Variants in CLTCL1 observed in about 807,000 individuals in gnomAD.
CLTCL1 encodes clathrin heavy chain 2.
In CLTCL1, 159 loss-of-function variants were observed where a neutral mutation model predicts 190.0. The observed-to-expected ratio is 0.84, with a 90% confidence interval of 0.74 to 0.95. The LOEUF is 0.95. Ranked by LOEUF, CLTCL1 falls within the 40% of genes least tolerant of loss-of-function variation. The pLI, the probability that CLTCL1 is intolerant of heterozygous loss-of-function variation, is 0.00. For synonymous variants in CLTCL1, 752 were observed against 769.6 expected (o/e 0.98, Z 0.38); for missense variants, 1,878 against 2,033.4 (o/e 0.92, Z 1.47).
chr22:19,205,935 T>TC (rs2146356105), intron 22 of CLTCL1, among the ~76,000 whole-genome samples: 3 of 152,006 alleles, frequency 2.0e-5, no homozygotes, highest in African/African-American at 7.2e-5. Context: ...CATTGTTTTT[T>TC]TTTTTTTTGA....
At chr22:19,270,035 T>C (rs1262745995) in intron 2 of CLTCL1, among the ~76,000 whole-genome samples, 4 of 150,608 alleles carry the variant, frequency 2.7e-5, no homozygotes, top group African/African-American at 7.3e-5. Context: ...ATAGCAGCAA[T>C]ATTCTTAATA....
At chr22:19,255,761 T>G (rs1169925070) in intron 2 of CLTCL1, among the ~76,000 whole-genome samples, 3 of 148,096 alleles carry the variant, frequency 2.0e-5, no homozygotes, top group African/African-American at 7.5e-5. Flanking sequence ...AATACGAAAA[T>G]TAGCCGGGCA....
intron 2 of CLTCL1, among the ~76,000 whole-genome samples, chr22:19,265,299 G>A (rs2518854): frequency 0.062 from 9,394 of 152,104 alleles, 350 homozygotes; most frequent in Middle Eastern, 0.16. Flanking sequence ...ACTGTCTTCA[G>A]GCACTAACAG....
In CLTCL1 at chr22:19,208,027, C is replaced by T. The variant is rs782233291; in HGVS notation, c.3600+127G>A. The stretch of plus-strand genomic sequence containing the variant: ...CATCCCCAAACCACCCCCGACCTGT[C>T]TGTGGAAAAACTGTCTTCGATGAAA... On this transcript the variant is annotated intron_variant, in intron 22 of 32. Coordinates refer to ENST00000427926, the MANE Select transcript of CLTCL1 (RefSeq NM_007098.4). 8 of 1,106,900 alleles carry T rather than the reference C, an allele frequency of 7.2e-6. No homozygotes were observed. The Admixed American group carries it at 7.8e-5, about 11-fold the overall frequency. 68.6% of individuals were successfully genotyped at this position (1,106,900 alleles called of 1,614,324 possible).
chr22:19,180,248 C>A lies in CLTCL1; in HGVS notation c.4904-10G>T, dbSNP rs377159014. 3.2e-5 allele frequency: 52 copies of A among 1,613,716 alleles called. No individual in the cohort carries two copies. Among genetic ancestry groups the A allele is most frequent in the Middle Eastern group, 3.3e-4 (2 of 6,062 alleles). On this transcript the variant is annotated splice_polypyrimidine_tract_variant and intron_variant, in intron 31 of 32. Transcript: ENST00000427926. ...TCATGCCCATCAAAATCTAAAAAAA[C>A]CAGAATGACATTAATGGTGGAAGGA... is the stretch of plus-strand genomic sequence containing the variant.
At chr22:19,215,177 C>T (rs1555948863) in intron 19 of CLTCL1, among the ~76,000 whole-genome samples, 3 of 152,208 alleles carry the variant, frequency 2.0e-5, no homozygotes, top group African/African-American at 7.2e-5. Flanking sequence ...GCACCTTAAT[C>T]CTGGCATCCT....
At chr22:19,221,756 T>G in intron 16 of CLTCL1, 145 bp from the exon 17 acceptor site, 1 of 983,756 alleles carries the variant, frequency 1.0e-6, no homozygotes, top group Non-Finnish European at 1.5e-6. Flanking sequence ...AAGATGGACC[T>G]GGTTTCCAAA....
At chr22:19,180,827 G>T (rs782029873) in intron 30 of CLTCL1, 21 bp from the exon 31 acceptor site, 2 of 1,611,896 alleles carry the variant, frequency 1.2e-6, no homozygotes. Flanking sequence ...GCAAAAGCAC[G>T]TGAGCACCCG....
chr22:19,242,697 C>A, intron 4 of CLTCL1, 78 bp downstream of exon 4: 1 of 1,511,284 alleles, frequency 6.6e-7, no homozygotes, highest in South Asian at 1.2e-5. Flanking sequence ...GCAGGCCATG[C>A]CCAGCCACAC....
rs373680132 is a variant in CLTCL1 at position 19,199,807 on chromosome 22, C to A, written c.3800G>T (p.Arg1267Leu). 2 of 1,597,704 alleles carry A rather than the reference C, an allele frequency of 1.3e-6. No homozygotes were observed. The highest frequency in any genetic ancestry group is 1.3e-5 in the African/African-American group (1 of 74,736). ...GTGAAGACCACACAGCTGTGCGAAG[C>A]GGAACTCTTGTCCATCCATGCAGGC... is the stretch of plus-strand genomic sequence containing the variant. ...CFACMDGQEF[R>L]FAQLCGLHIV... The change falls in exon 24 of 33, where the codon CGC becomes CTC. Residue 1267 changes from arginine (R) to leucine (L), a missense_variant. Transcript: ENST00000427926.
chr22:19,273,888 C>T (rs1012584732), intron 2 of CLTCL1, among the ~76,000 whole-genome samples: 5 of 152,114 alleles, frequency 3.3e-5, no homozygotes, highest in Non-Finnish European at 4.4e-5. Context: ...GTGTTCTCTC[C>T]CACTGCAACA....
At chr22:19,261,081 T>C (rs2086932955) in intron 2 of CLTCL1, among the ~76,000 whole-genome samples, 1 of 151,820 alleles carries the variant, frequency 6.6e-6, no homozygotes, top group South Asian at 2.1e-4. Context: ...CAAAGAGTAA[T>C]TTCACCTTTC....
chr22:19,278,421 C>A (rs952078448), intron 1 of CLTCL1, among the ~76,000 whole-genome samples: 1 of 151,978 alleles, frequency 6.6e-6, no homozygotes, highest in Non-Finnish European at 1.5e-5. Flanking sequence ...GGCACAGAGC[C>A]CCAGGACACA....
chr22:19,245,975 A>G (rs1464113819), intron 3 of CLTCL1, among the ~76,000 whole-genome samples: 4 of 152,160 alleles, frequency 2.6e-5, no homozygotes, highest in East Asian at 3.8e-4. Flanking sequence ...TATCTGTGTA[A>G]AAGTTTTTGT....
Position 19,210,381 on chromosome 22 carries a change from T to C in CLTCL1, c.3194A>G (p.Tyr1065Cys). 1 of 1,614,026 alleles carries C rather than the reference T, an allele frequency of 6.2e-7. No individual in the cohort carries two copies. Among genetic ancestry groups the C allele is most frequent in the Non-Finnish European group, 8.5e-7 (1 of 1,179,900 alleles). Residue 1065 changes from tyrosine to cysteine, a missense_variant, in exon 20 of 33, where the codon TAT (tyrosine) becomes TGT (cysteine). Physicochemically the swap from Tyr to Cys is radical, Grantham distance 194. Coordinates refer to ENST00000427926, the MANE Select transcript of CLTCL1 (RefSeq NM_007098.4). ...IASIAVSSAL[Y>C]EEAFTVFHKF... ...GTGGAAAACGGTGAAGGCCTCCTCA[T>C]ACAGTGCGCTGCTGACAGCGATGCT...
intron 1 of CLTCL1, 24 bp downstream of exon 1, chr22:19,291,575 AG>A: frequency 7.4e-7 from 1 of 1,355,992 alleles, no homozygotes; most frequent in East Asian, 3.2e-5. Context: ...CTGACAGGGC[AG>A]CCCCCCAGCC....
At chr22:19,249,744 T>G in intron 3 of CLTCL1, 1 of 214,992 alleles carries the variant, frequency 4.7e-6, no homozygotes, top group Non-Finnish European at 9.8e-6. Context: ...TTAAATTTAT[T>G]TCTAAGTTGA....
At chr22:19,242,144 T>A (rs921038411) in intron 4 of CLTCL1, among the ~76,000 whole-genome samples, 1 of 151,982 alleles carries the variant, frequency 6.6e-6, no homozygotes, top group African/African-American at 2.4e-5. Flanking sequence ...GGTTTCGCTG[T>A]ATTGTCCAGG....
At chr22:19,242,360 A>T (rs1183655740) in intron 4 of CLTCL1, among the ~76,000 whole-genome samples, 4 of 149,550 alleles carry the variant, frequency 2.7e-5, no homozygotes, top group African/African-American at 9.9e-5. Context: ...TGCGATCTCG[A>T]CTCACTGCAA....
Sources: gnomAD v4.1 joint callset for allele counts (sites outside exome capture counted in the v4.1 genomes callset) on GRCh38, gnomAD v4.1.1 for gene constraint, MANE v1.5 for transcripts, NCBI Gene and HGNC (gene_info 2026-07-23, HGNC 2026-07-21) for gene names.